HCN1: variants seen among roughly 807,000 people sequenced by gnomAD.
The protein encoded by HCN1 is potassium/sodium hyperpolarization-activated cyclic nucleotide-gated channel 1.
In HCN1, 13 loss-of-function variants were observed where a neutral mutation model predicts 78.9. That is an observed-to-expected ratio of 0.16 (90% CI 0.11 to 0.26). The LOEUF (loss-of-function observed/expected upper bound fraction) is 0.26, where lower values mean the gene tolerates loss of function less well. HCN1 is among the 10% of genes least tolerant of loss of function. The pLI, the probability that HCN1 is intolerant of heterozygous loss-of-function variation, is 1.00. For missense variants in HCN1, 810 were observed against 1,154.3 expected (o/e 0.70, Z 4.32); for synonymous variants, 552 against 455.5 (o/e 1.21, Z -2.70).
At position 45,647,409 on chromosome 5, in the gene HCN1, A is replaced by G. The variant is rs1308390813; in HGVS notation, c.426-1801T>C. ...ACTGTGTGTACCCTGAGGATTTTTC[A>G]CTTCTGGGCACTCCTATCAAGTCCC... On this transcript the variant is annotated intron_variant, in intron 1 of 7. Transcript: ENST00000303230. Among the ~76,000 whole-genome samples the G allele has an allele frequency of 2.6e-5, 4 of 152,050 alleles. No homozygotes were observed. The East Asian group carries it at 7.7e-4, about 29-fold the overall frequency.
intron 6 of HCN1, among the ~76,000 whole-genome samples, chr5:45,300,526 T>C (rs982071644): frequency 2.0e-5 from 3 of 152,090 alleles, no homozygotes; most frequent in Non-Finnish European, 2.9e-5. Context: ...ATATTTTATA[T>C]TCTTTAGCTA....
At chr5:45,334,435 AAC>A (rs1746410981) in intron 5 of HCN1, among the ~76,000 whole-genome samples, 1 of 151,430 alleles carries the variant, frequency 6.6e-6, no homozygotes, top group African/African-American at 2.4e-5. Flanking sequence ...TTTTTTTCTC[AAC>A]AGTGTTAGTA....
At chr5:45,617,909 CCA>C (rs1431573277) in intron 2 of HCN1, among the ~76,000 whole-genome samples, 1 of 152,038 alleles carries the variant, frequency 6.6e-6, no homozygotes, top group Non-Finnish European at 1.5e-5. Flanking sequence ...CCAACCTGTT[CCA>C]GAGTCTACTC....
At chr5:45,380,864 T>G (rs1355952458) in intron 4 of HCN1, among the ~76,000 whole-genome samples, 1 of 152,160 alleles carries the variant, frequency 6.6e-6, no homozygotes, top group African/African-American at 2.4e-5. Context: ...CAAAGTGAGA[T>G]TAATTACCTT....
intron 2 of HCN1, among the ~76,000 whole-genome samples, chr5:45,523,601 T>C (rs1397544096): frequency 6.6e-6 from 1 of 152,194 alleles, no homozygotes; most frequent in Non-Finnish European, 1.5e-5. Context: ...TGCATTTCTC[T>C]GATGGCCAGT....
At chr5:45,277,813 A>G (rs1285736437) in intron 6 of HCN1, among the ~76,000 whole-genome samples, 1 of 152,148 alleles carries the variant, frequency 6.6e-6, no homozygotes, top group Non-Finnish European at 1.5e-5. Flanking sequence ...CTTCAATCAG[A>G]CTGTGACTAA....
At chr5:45,655,764 C>T (rs1015371362) in intron 1 of HCN1, among the ~76,000 whole-genome samples, 1 of 152,068 alleles carries the variant, frequency 6.6e-6, no homozygotes, top group Non-Finnish European at 1.5e-5. Context: ...CATGCAACTT[C>T]TAAACAGAGG....
chr5:45,650,048 A>T (rs991300830), intron 1 of HCN1, among the ~76,000 whole-genome samples: 1 of 152,122 alleles, frequency 6.6e-6, no homozygotes, highest in Non-Finnish European at 1.5e-5. Context: ...TACATATCAT[A>T]TATCTACCTA....
At chr5:45,476,525 C>A (rs1179028374) in intron 2 of HCN1, among the ~76,000 whole-genome samples, 1 of 152,042 alleles carries the variant, frequency 6.6e-6, no homozygotes, top group South Asian at 2.1e-4. Context: ...TAATTTTATC[C>A]AGCTTCTTTA....
intron 5 of HCN1, among the ~76,000 whole-genome samples, chr5:45,330,189 A>G (rs1380798944): frequency 6.6e-6 from 1 of 151,256 alleles, no homozygotes; most frequent in Non-Finnish European, 1.5e-5. Flanking sequence ...TTAGTTTTCC[A>G]CTTGTGCTTT....
intron 7 of HCN1, among the ~76,000 whole-genome samples, chr5:45,266,652 T>TAA (rs1264354275): frequency 1.3e-5 from 2 of 151,580 alleles, no homozygotes. Flanking sequence ...CGGCTACAGC[T>TAA]AATTGCTATT....
chr5:45,309,055 G>T (rs992852969), intron 5 of HCN1, among the ~76,000 whole-genome samples: 1 of 152,026 alleles, frequency 6.6e-6, no homozygotes, highest in African/African-American at 2.4e-5. Flanking sequence ...GTAGTGGTTT[G>T]TACTATCCTT....
chr5:45,286,384 C>T (rs1195480711), intron 6 of HCN1, among the ~76,000 whole-genome samples: 4 of 151,898 alleles, frequency 2.6e-5, no homozygotes, highest in African/African-American at 9.7e-5. Flanking sequence ...TTGGAGATTG[C>T]TCTGTAGTAA....
chr5:45,451,729 C>A (rs937395991), intron 3 of HCN1, among the ~76,000 whole-genome samples: 13 of 151,744 alleles, frequency 8.6e-5, no homozygotes, highest in Admixed American at 6.6e-5. Context: ...TTAAAAAAAT[C>A]TGAAAAGTCA....
intron 2 of HCN1, among the ~76,000 whole-genome samples, chr5:45,542,700 A>AC: frequency 6.6e-6 from 1 of 152,248 alleles, no homozygotes; most frequent in Admixed American, 6.5e-5. Flanking sequence ...TGTCCTGTGT[A>AC]CTTTCCAGTG....
intron 2 of HCN1, among the ~76,000 whole-genome samples, chr5:45,499,016 A>T (rs181206546): frequency 6.6e-6 from 1 of 151,988 alleles, no homozygotes; most frequent in Non-Finnish European, 1.5e-5. Context: ...TTAAGGCTGC[A>T]GAGGTTACTG....
chr5:45,322,075 T>C (rs1348849562), intron 5 of HCN1, among the ~76,000 whole-genome samples: 1 of 151,904 alleles, frequency 6.6e-6, no homozygotes, highest in East Asian at 1.9e-4. Flanking sequence ...ATAAGCATCC[T>C]GGTTAATATG....
intron 5 of HCN1, among the ~76,000 whole-genome samples, chr5:45,328,267 TTC>T (rs1746275098): frequency 6.6e-6 from 1 of 151,698 alleles, no homozygotes; most frequent in South Asian, 2.1e-4. Context: ...ATTTTTTTTT[TTC>T]TTCACAATTT....
intron 6 of HCN1, among the ~76,000 whole-genome samples, chr5:45,294,568 TTAA>T (rs1360140702): frequency 1.3e-5 from 2 of 151,998 alleles, no homozygotes; most frequent in African/African-American, 4.8e-5. Context: ...AAAGGAGATA[TTAA>T]TAATAATCAA....
Sources: allele counts gnomAD v4.1 joint callset (sites outside exome capture counted in the v4.1 genomes callset), GRCh38; gene constraint gnomAD v4.1.1; transcripts MANE v1.5; gene names NCBI Gene and HGNC (gene_info 2026-07-23, HGNC 2026-07-21).